FAM53A: variants seen among roughly 807,000 people sequenced by gnomAD.
FAM53A encodes the protein protein FAM53A.
Under a neutral mutation model 26.6 loss-of-function variants are expected in FAM53A, and 28 were observed. That is an observed-to-expected ratio of 1.05 (90% confidence interval 0.78 to 1.45). The LOEUF (loss-of-function observed/expected upper bound fraction) is 1.45, where lower values mean the gene tolerates loss of function less well. Ranked by LOEUF, FAM53A falls within the 40% of genes most tolerant of loss-of-function variation. FAM53A has a pLI of 0.00. For synonymous variants in FAM53A, 290 were observed against 253.1 expected, an observed-to-expected ratio of 1.15 and a Z score of -1.38; for missense variants, 650 against 575.8, an observed-to-expected ratio of 1.13 and a Z score of -1.32.
the FAM53A span, among the ~76,000 whole-genome samples, chr4:1,590,255 T>C: frequency 5.9e-5 from 9 of 152,244 alleles, no homozygotes; most frequent in African/African-American, 1.9e-4. Flanking sequence ...GCCAATTCTT[T>C]GAAATTTATC....
chr4:1,653,226 T>C (rs553027906), intron 4 of FAM53A, among the ~76,000 whole-genome samples: 1 of 152,110 alleles, frequency 6.6e-6, no homozygotes, highest in Non-Finnish European at 1.5e-5. Context: ...CGGGTGTCCA[T>C]GAGCCCTGGT....
chr4:1,595,716 C>T, the FAM53A span, among the ~76,000 whole-genome samples: 2 of 152,250 alleles, frequency 1.3e-5, no homozygotes, highest in African/African-American at 2.4e-5. Context: ...GAGCCAGGCC[C>T]GGTCCCCAGT....
At chr4:1,613,350 A>G (rs1426019735), downstream of FAM53A, among the ~76,000 whole-genome samples, 1 of 152,224 alleles carries the variant, frequency 6.6e-6, no homozygotes, top group Non-Finnish European at 1.5e-5. Context: ...CAAAGAGCAG[A>G]AGTGAGTGGG....
chr4:1,644,050 G>T, intron 4 of FAM53A: 1 of 1,169,866 alleles, frequency 8.5e-7, no homozygotes, highest in East Asian at 2.6e-5. Flanking sequence ...GTGGAGGTCC[G>T]GGTCTCACCA....
chr4:1,673,558 C>A (rs538720347), intron 1 of FAM53A, among the ~76,000 whole-genome samples: 1 of 152,256 alleles, frequency 6.6e-6, no homozygotes, highest in Non-Finnish European at 1.5e-5. Flanking sequence ...CATGGTGAAA[C>A]CCCATCTCTA....
intron 4 of FAM53A, among the ~76,000 whole-genome samples, chr4:1,643,544 G>A (rs1711950571): frequency 1.3e-5 from 2 of 151,480 alleles, no homozygotes; most frequent in African/African-American, 4.9e-5. Flanking sequence ...GTGAATCACT[G>A]AGAAGTAAAA....
intron 1 of FAM53A, among the ~76,000 whole-genome samples, chr4:1,681,976 A>C (rs1715471100): frequency 6.6e-6 from 1 of 152,190 alleles, no homozygotes; most frequent in Admixed American, 6.5e-5. Flanking sequence ...TTCAGACACC[A>C]GTTGGGCCCA....
At chr4:1,680,243 C>G (rs1176149659) in intron 1 of FAM53A, among the ~76,000 whole-genome samples, 2 of 136,726 alleles carry the variant, frequency 1.5e-5, no homozygotes, top group Admixed American at 8.5e-5. Flanking sequence ...CATTTGAAAC[C>G]AGGAGGCGGA....
intron 1 of FAM53A, among the ~76,000 whole-genome samples, chr4:1,681,587 C>G (rs1383970540): frequency 6.6e-6 from 1 of 151,056 alleles, no homozygotes; most frequent in East Asian, 1.9e-4. Flanking sequence ...GCCTCCACCT[C>G]CCTGGCTGAA....
At chr4:1,654,502 C>G (rs906883213) in intron 4 of FAM53A, among the ~76,000 whole-genome samples, 2 of 152,264 alleles carry the variant, frequency 1.3e-5, no homozygotes, top group African/African-American at 2.4e-5. Flanking sequence ...AGCGCACAGG[C>G]GCTGCTGGGC....
At chr4:1,629,832 C>T (rs1715532422) in intron 1 of FAM53A, among the ~76,000 whole-genome samples, 2 of 152,104 alleles carry the variant, frequency 1.3e-5, no homozygotes, top group South Asian at 2.1e-4. Flanking sequence ...CCCCGGCCCA[C>T]CCACAGCTCA....
At chr4:1,646,105 CT>C (rs776533410) in intron 4 of FAM53A, among the ~76,000 whole-genome samples, 197 of 145,376 alleles carry the variant, frequency 1.4e-3, no homozygotes, top group Non-Finnish European at 1.3e-3. Context: ...CTCCAGAACT[CT>C]TTTTTTTTTT....
At chr4:1,614,326 G>A (rs985426227), downstream of FAM53A, among the ~76,000 whole-genome samples, 2 of 151,370 alleles carry the variant, frequency 1.3e-5, no homozygotes, top group Non-Finnish European at 2.9e-5. Context: ...ACCCACCGGC[G>A]AAGGGGTGAG....
intron 4 of FAM53A, among the ~76,000 whole-genome samples, chr4:1,648,888 G>A (rs1270648179): frequency 6.6e-6 from 1 of 152,152 alleles, no homozygotes; most frequent in Non-Finnish European, 1.5e-5. Flanking sequence ...CAAGGCAGGC[G>A]GATTACCTGA....
chr4:1,618,841 G>A (rs1210786506), intron 1 of FAM53A, among the ~76,000 whole-genome samples: 5 of 152,004 alleles, frequency 3.3e-5, no homozygotes, highest in Non-Finnish European at 5.9e-5. Context: ...CCCAGCCCCC[G>A]ACCCCCAGCC....
chr4:1,575,422 T>C, the FAM53A span, among the ~76,000 whole-genome samples: 1 of 152,000 alleles, frequency 6.6e-6, no homozygotes. Flanking sequence ...TTAGGAGACT[T>C]TGACAGGGGA....
the FAM53A span, among the ~76,000 whole-genome samples, chr4:1,611,151 A>C: frequency 6.6e-6 from 1 of 152,326 alleles, no homozygotes; most frequent in African/African-American, 2.4e-5. Context: ...AGCCCGGCTC[A>C]CAGGAAGCAG....
chr4:1,648,343 A>G (rs1246692983), intron 4 of FAM53A, among the ~76,000 whole-genome samples: 1 of 152,178 alleles, frequency 6.6e-6, no homozygotes, highest in Admixed American at 6.5e-5. Flanking sequence ...TGGTTGGCTG[A>G]CAGGGAGAGG....
chr4:1,641,238 G>A lies in FAM53A; in HGVS notation c.*55C>T. On this transcript the variant is annotated 3_prime_UTR_variant, in exon 5 of 5. Transcript: ENST00000308132. ...GACCAGCTCACAGGAAACCTACTCT[G>A]TGCCCCAGGGCAGGTGCAGGCGGCA... 2 of 1,587,876 alleles carry A rather than the reference G, an allele frequency of 1.3e-6. No homozygotes were observed. Among genetic ancestry groups the A allele is most frequent in the Non-Finnish European group, 1.7e-6 (2 of 1,163,212 alleles).
Sources: gnomAD v4.1 joint callset for allele counts (sites outside exome capture counted in the v4.1 genomes callset) on GRCh38, gnomAD v4.1.1 for gene constraint, MANE v1.5 for transcripts, NCBI Gene and HGNC (gene_info 2026-07-23, HGNC 2026-07-21) for gene names.